Variants in PSD3 observed in about 807,000 individuals in gnomAD.
PSD3 encodes the protein PH and SEC7 domain-containing protein 3.
In PSD3, 49 loss-of-function variants were observed where a neutral mutation model predicts 105.5. The observed-to-expected ratio is 0.46, with a 90% CI of 0.37 to 0.59. The LOEUF (loss-of-function observed/expected upper bound fraction) is 0.59, where lower values mean the gene tolerates loss of function less well. PSD3 is among the 20% of genes least tolerant of loss of function. The pLI is 0.00. For synonymous variants in PSD3, 557 were observed against 457.8 expected (o/e 1.22, Z -2.77); for missense variants, 1,561 against 1,263.8 (o/e 1.24, Z -3.57).
intron 1 of PSD3, among the ~76,000 whole-genome samples, chr8:18,949,221 CAAAAAAAAA>C (rs1213755572): frequency 1.0e-3 from 12 of 11,898 alleles, no homozygotes; most frequent in African/African-American, 1.8e-3. Flanking sequence ...GACTCTGTCT[CAAAAAAAAA>C]AAAAAAAAAA....
intron 8 of PSD3, among the ~76,000 whole-genome samples, chr8:18,793,361 G>T (rs1393633922): frequency 7.7e-6 from 1 of 130,502 alleles, no homozygotes; most frequent in Non-Finnish European, 1.6e-5. Flanking sequence ...ACTCTGTAAG[G>T]TATCAAAATA....
In PSD3 at chr8:18,845,784, A is replaced by T. The variant is rs114317701; in HGVS notation, c.1634+21890T>A. ...AGACCCCACCTCTACAAAAAAAATT[A>T]AAATAAATGGCGGAAGAAGGGAACT... On this transcript the variant is annotated intron_variant, in intron 4 of 15. Coordinates refer to ENST00000327040, the MANE Select transcript of PSD3 (RefSeq NM_015310.4). Among the ~76,000 whole-genome samples, 803 of 152,350 alleles carry T rather than the reference A, an allele frequency of 5.3e-3. 5 individuals carry two copies. The highest frequency in any genetic ancestry group is 0.019 in the African/African-American group (774 of 41,578).
chr8:18,785,689 C>T (rs1809074987), intron 8 of PSD3, among the ~76,000 whole-genome samples: 1 of 152,108 alleles, frequency 6.6e-6, no homozygotes, highest in African/African-American at 2.4e-5. Flanking sequence ...CCTATCTCAG[C>T]CTCACTAAAC....
At chr8:19,059,294 C>G (rs1828812901) in intron 1 of PSD3, among the ~76,000 whole-genome samples, 1 of 152,236 alleles carries the variant, frequency 6.6e-6, no homozygotes. Context: ...TTCTCAATTC[C>G]TTAGACCCCC....
intron 2 of PSD3, among the ~76,000 whole-genome samples, chr8:18,923,722 G>A (rs1432813473): frequency 3.3e-5 from 5 of 152,036 alleles, no homozygotes; most frequent in South Asian, 4.1e-4. Context: ...AGATGAAATC[G>A]CTTTATGACA....
chr8:19,016,292 C>T (rs187808021), upstream of PSD3, among the ~76,000 whole-genome samples: 50 of 152,246 alleles, frequency 3.3e-4, no homozygotes, highest in Admixed American at 2.5e-3. Context: ...CCTCCCCCAC[C>T]TCTTCCCATG....
At chr8:18,948,746 G>C (rs1477297838) in intron 1 of PSD3, among the ~76,000 whole-genome samples, 4 of 152,114 alleles carry the variant, frequency 2.6e-5, no homozygotes, top group Admixed American at 2.6e-4. Context: ...GGTCATTTCA[G>C]AAGTTCCAAT....
At chr8:18,999,183 T>A (rs2129474159) in intron 1 of PSD3, among the ~76,000 whole-genome samples, 1 of 152,118 alleles carries the variant, frequency 6.6e-6, no homozygotes, top group East Asian at 1.9e-4. Context: ...TTTCATTCCT[T>A]AGACCATAAC....
chr8:18,763,370 AAGAG>A (rs1806702368), intron 9 of PSD3, among the ~76,000 whole-genome samples: 1 of 152,146 alleles, frequency 6.6e-6, no homozygotes, highest in Non-Finnish European at 1.5e-5. Flanking sequence ...GTGGCAAAGA[AAGAG>A]AGAATGACCA....
intron 4 of PSD3, among the ~76,000 whole-genome samples, chr8:18,836,776 G>A (rs1393424723): frequency 6.6e-6 from 1 of 151,782 alleles, no homozygotes; most frequent in Non-Finnish European, 1.5e-5. Context: ...TTTCTGCCTT[G>A]TTTAGGAAAT....
chr8:18,564,246 G>C (rs1014891364), intron 14 of PSD3, among the ~76,000 whole-genome samples: 3 of 151,998 alleles, frequency 2.0e-5, no homozygotes, highest in South Asian at 4.1e-4. Context: ...GAAATATTTA[G>C]TATTGGGATA....
chr8:19,043,981 G>C (rs1828224640), intron 1 of PSD3, among the ~76,000 whole-genome samples: 1 of 152,158 alleles, frequency 6.6e-6, no homozygotes, highest in Non-Finnish European at 1.5e-5. Flanking sequence ...AGCAATCCCA[G>C]CCCCAGGGCC....
intron 2 of PSD3, among the ~76,000 whole-genome samples, chr8:18,884,563 A>G (rs146006636): frequency 6.6e-4 from 100 of 152,290 alleles, no homozygotes; most frequent in Non-Finnish European, 1.2e-3. Context: ...GATGCTGGCT[A>G]TTGCCTGGAC....
chr8:18,778,489 T>A (rs1808301967), intron 8 of PSD3, among the ~76,000 whole-genome samples: 1 of 152,162 alleles, frequency 6.6e-6, no homozygotes, highest in South Asian at 2.1e-4. Flanking sequence ...CTTCCAGTAC[T>A]ATATTGAATA....
At chr8:18,724,439 C>T (rs1803207669) in intron 9 of PSD3, among the ~76,000 whole-genome samples, 1 of 151,792 alleles carries the variant, frequency 6.6e-6, no homozygotes, top group South Asian at 2.1e-4. Context: ...TAGCGAGACC[C>T]CCATCTCAAC....
chr8:18,585,834 G>C lies in PSD3; in HGVS notation c.2482-10549C>G, dbSNP rs1410889827. The stretch of plus-strand genomic sequence containing the variant: ...ACACAGAAATGAGTTGAGGTTCGCA[G>C]AGGATAATTAACTGCTCCAAATCAG... On this transcript the variant is annotated intron_variant, in intron 12 of 15. Coordinates refer to ENST00000327040, the MANE Select transcript of PSD3 (RefSeq NM_015310.4). Among the ~76,000 whole-genome samples the C allele has an allele frequency of 2.0e-5, 3 of 152,224 alleles. No individual in the cohort carries two copies. In the East Asian group the frequency reaches 5.8e-4, roughly 29 times the overall value.
chr8:18,854,251 TCCG>T (rs763795077), intron 4 of PSD3: 4 of 152,862 alleles, frequency 2.6e-5, no homozygotes, highest in Non-Finnish European at 4.4e-5. Flanking sequence ...ACACACTGAC[TCCG>T]CAGTGACATT....
intron 9 of PSD3, among the ~76,000 whole-genome samples, chr8:18,717,141 C>T (rs1035776778): frequency 6.6e-5 from 10 of 152,066 alleles, no homozygotes; most frequent in Admixed American, 2.0e-4. Flanking sequence ...TTTTTGTTCC[C>T]GTCTCCAATA....
intron 1 of PSD3, among the ~76,000 whole-genome samples, chr8:19,069,337 TA>T (rs1184961507): frequency 2.0e-5 from 3 of 151,990 alleles, no homozygotes; most frequent in Admixed American, 2.0e-4. Flanking sequence ...TTGCTTGAAA[TA>T]ACTTCAGAAC....
Sources: gnomAD v4.1 joint callset for allele counts (sites outside exome capture counted in the v4.1 genomes callset) on GRCh38, gnomAD v4.1.1 for gene constraint, MANE v1.5 for transcripts, NCBI Gene and HGNC (gene_info 2026-07-23, HGNC 2026-07-21) for gene names.